Variants in KIAA0513 observed in about 807,000 individuals in gnomAD.
KIAA0513 encodes the protein uncharacterized protein KIAA0513.
KIAA0513 carries 39 observed loss-of-function variants against 56.5 expected under a neutral mutation model. The ratio of observed to expected loss-of-function variants is 0.69; its 90% CI spans 0.53 to 0.90. KIAA0513 has a LOEUF of 0.90. Ranked by LOEUF, KIAA0513 falls within the 40% of genes least tolerant of loss-of-function variation. The pLI is 0.00. For synonymous variants in KIAA0513, 268 were observed against 215.6 expected, an observed-to-expected ratio of 1.24 and a Z score of -2.13; for missense variants, 591 against 535.2, an observed-to-expected ratio of 1.10 and a Z score of -1.03.
chr16:85,029,873 G>A (rs1333112359), intron 1 of KIAA0513, among the ~76,000 whole-genome samples: 1 of 152,202 alleles, frequency 6.6e-6, no homozygotes, highest in Non-Finnish European at 1.5e-5. Flanking sequence ...GTCATGGTGG[G>A]TTTGTTATCG....
chr16:85,042,123 T>C (rs769066142), intron 1 of KIAA0513, among the ~76,000 whole-genome samples: 3 of 152,348 alleles, frequency 2.0e-5, no homozygotes, highest in Non-Finnish European at 4.4e-5. Flanking sequence ...TATTCTCTTA[T>C]AATTATTGTA....
chr16:85,031,301 CA>C (rs1410203481), intron 1 of KIAA0513, among the ~76,000 whole-genome samples: 2 of 152,016 alleles, frequency 1.3e-5, no homozygotes, highest in Non-Finnish European at 2.9e-5. Flanking sequence ...GGCAACATGG[CA>C]AAACCCCGTC....
chr16:85,072,839 C>A, intron 3 of KIAA0513, 86 bp from the exon 4 acceptor site: 2 of 1,309,994 alleles, frequency 1.5e-6, no homozygotes, highest in African/African-American at 1.5e-5. Context: ...CATTTGGAAA[C>A]ACTGAGAGTG....
At chr16:85,077,109 C>A (rs981082733) in intron 5 of KIAA0513, among the ~76,000 whole-genome samples, 11 of 152,182 alleles carry the variant, frequency 7.2e-5, no homozygotes, top group Non-Finnish European at 1.2e-4. Context: ...CTGGCATGGT[C>A]GGGCCTCTGC....
chr16:85,039,523 T>G (rs1416813186), intron 1 of KIAA0513, among the ~76,000 whole-genome samples: 1 of 152,148 alleles, frequency 6.6e-6, no homozygotes, highest in Non-Finnish European at 1.5e-5. Flanking sequence ...ATGCTGGTCT[T>G]GAATTCCTGG....
At chr16:85,074,180 G>A (rs1354704034) in intron 4 of KIAA0513, among the ~76,000 whole-genome samples, 3 of 151,722 alleles carry the variant, frequency 2.0e-5, no homozygotes, top group Admixed American at 6.6e-5. Flanking sequence ...TCACCATGTC[G>A]GCCAGGCTGG....
chr16:85,068,536 G>A (rs892736658), intron 2 of KIAA0513, among the ~76,000 whole-genome samples: 2 of 151,840 alleles, frequency 1.3e-5, no homozygotes, highest in Non-Finnish European at 2.9e-5. Flanking sequence ...GTTTCACCAT[G>A]TTAGCCAGGA....
chr16:85,075,913 C>A lies in KIAA0513; in HGVS notation c.573C>A (p.Ile191=). 1 of 1,612,114 alleles carries A rather than the reference C, an allele frequency of 6.2e-7. No individual in the cohort carries two copies. Among genetic ancestry groups the A allele is most frequent in the Non-Finnish European group, 8.5e-7 (1 of 1,178,236 alleles). ...CCATGTGCTTCACCTACTACCACAT[C>A]GGTAAGACATGGGTGGGCTGATGTG... ...LMTMCFTYYH[I]GKPQLLPPES... is the part of the protein sequence containing the mutation. Residue 191 remains isoleucine (I), a splice_region_variant and synonymous_variant, in exon 5 of 13, where the codon ATC becomes ATA. Transcript: ENST00000683363.
chr16:85,058,037 C>T (rs1181968982), intron 1 of KIAA0513, among the ~76,000 whole-genome samples: 1 of 152,182 alleles, frequency 6.6e-6, no homozygotes, highest in South Asian at 2.1e-4. Flanking sequence ...AAGCCAGGCT[C>T]TTATGTTCAC....
At chr16:85,058,328 T>C (rs2073357994) in intron 1 of KIAA0513, among the ~76,000 whole-genome samples, 2 of 152,216 alleles carry the variant, frequency 1.3e-5, no homozygotes, top group South Asian at 4.1e-4. Flanking sequence ...ATTTCATGTA[T>C]GCCTTCAGAT....
At chr16:85,054,437 T>G (rs111248116) in intron 1 of KIAA0513, among the ~76,000 whole-genome samples, 3,400 of 141,786 alleles carry the variant, frequency 0.024, 99 homozygotes, top group African/African-American at 0.082. Context: ...TTTTTTTTTT[T>G]TTGTTGTTGT....
chr16:85,070,620 A>G (rs57882905), intron 2 of KIAA0513, among the ~76,000 whole-genome samples: 12,469 of 152,216 alleles, frequency 0.082, 777 homozygotes, highest in East Asian at 0.24. Flanking sequence ...AGAGGTTGCA[A>G]TGAGCTGAGA....
At chr16:85,087,450 C>T (rs779263311) in intron 12 of KIAA0513, among the ~76,000 whole-genome samples, 30 of 152,194 alleles carry the variant, frequency 2.0e-4, no homozygotes, top group Non-Finnish European at 3.8e-4. Flanking sequence ...AAGGGGGACG[C>T]GGCACTGGGA....
At chr16:85,041,898 T>C (rs1360516930) in intron 1 of KIAA0513, among the ~76,000 whole-genome samples, 1 of 152,200 alleles carries the variant, frequency 6.6e-6, no homozygotes, top group African/African-American at 2.4e-5. Flanking sequence ...TGGGCTTCAG[T>C]GTCCCGCTCT....
intron 4 of KIAA0513, 53 bp downstream of exon 4, chr16:85,073,051 C>T: frequency 7.0e-7 from 1 of 1,431,170 alleles, no homozygotes; most frequent in Non-Finnish European, 9.9e-7. Context: ...CTCTTCCCTC[C>T]CTGCCTCCCT....
In KIAA0513 at chr16:85,087,160, G is replaced by A. The variant is rs1413564861; in HGVS notation, c.1180G>A (p.Asp394Asn). 6.2e-7 allele frequency: 1 copy of A among 1,613,674 alleles called. No homozygotes were observed. Among genetic ancestry groups the A allele is most frequent in the Admixed American group, 1.7e-5 (1 of 60,026 alleles). ...GAAGCAGGCTGTGATTGGCAACCTGGATGAAGGTGCGTCTGGGGGAGGCTG... is the reference window on the plus strand; with the variant it reads ...GAAGCAGGCTGTGATTGGCAACCTGAATGAAGGTGCGTCTGGGGGAGGCTG... ...LKKQAVIGNLDEEQYKLLSDH... is the reference protein window; with the variant it reads ...LKKQAVIGNLNEEQYKLLSDH... Residue 394 changes from aspartate (D) to asparagine (N), a missense_variant, in exon 12 of 13, where the codon GAT (aspartate) becomes AAT (asparagine). Asp to Asn is a conservative substitution (Grantham distance 23). Transcript: ENST00000683363.
At chr16:85,062,245 TCTCA>T (rs2073417076) in intron 1 of KIAA0513, among the ~76,000 whole-genome samples, 1 of 151,772 alleles carries the variant, frequency 6.6e-6, no homozygotes, top group Non-Finnish European at 1.5e-5. Context: ...CCCCATAAGG[TCTCA>T]CTCATGGCTT....
At chr16:85,073,102 C>A in intron 4 of KIAA0513, 104 bp downstream of exon 4, 1 of 932,500 alleles carries the variant, frequency 1.1e-6, no homozygotes, top group Non-Finnish European at 1.8e-6. Flanking sequence ...GAACCATATC[C>A]ACACTAGTCA....
chr16:85,046,204 G>A (rs1047770080), intron 1 of KIAA0513, among the ~76,000 whole-genome samples: 5 of 152,170 alleles, frequency 3.3e-5, no homozygotes, highest in Non-Finnish European at 7.3e-5. Flanking sequence ...CTTACCACGC[G>A]CCATGCCTTT....
Sources: gnomAD v4.1 joint callset for allele counts (sites outside exome capture counted in the v4.1 genomes callset) on GRCh38, gnomAD v4.1.1 for gene constraint, MANE v1.5 for transcripts, NCBI Gene and HGNC (gene_info 2026-07-23, HGNC 2026-07-21) for gene names.